The following GFRA1 variants were observed in gnomAD, a reference collection of about 807,000 sequenced individuals.
The protein encoded by GFRA1 is GDNF family receptor alpha-1.
A neutral mutation model predicts 51.6 loss-of-function variants in GFRA1; 16 were observed. The observed-to-expected ratio is 0.31, with a 90% CI of 0.21 to 0.47. The LOEUF (loss-of-function observed/expected upper bound fraction) is 0.47, where lower values mean the gene tolerates loss of function less well. GFRA1 is among the 20% of genes least tolerant of loss of function. The probability of loss-of-function intolerance (pLI) is 1.00; values close to 1 mark genes in which losing one functional copy is unlikely to be tolerated. For missense variants in GFRA1, 530 were observed against 594.3 expected (o/e 0.89, Z 1.13); for synonymous variants, 270 against 241.3 (o/e 1.12, Z -1.10).
At chr10:116,167,936 G>A (rs535310387) in intron 5 of GFRA1, among the ~76,000 whole-genome samples, 3 of 152,004 alleles carry the variant, frequency 2.0e-5, no homozygotes, top group Non-Finnish European at 4.4e-5. Flanking sequence ...TGGACTTTGG[G>A]GACTTGGTGG....
chr10:116,148,120 ATG>A (rs1276690951), intron 5 of GFRA1, among the ~76,000 whole-genome samples: 5 of 87,832 alleles, frequency 5.7e-5, no homozygotes, highest in Non-Finnish European at 1.1e-4. Flanking sequence ...GTGTGTGTGC[ATG>A]TGTGTGGGGT....
At chr10:116,171,843 C>A (rs1298244474) in intron 5 of GFRA1, among the ~76,000 whole-genome samples, 2 of 152,166 alleles carry the variant, frequency 1.3e-5, no homozygotes, top group African/African-American at 4.8e-5. Flanking sequence ...CTCCTGCTCA[C>A]AATTAAAGAG....
At chr10:116,094,676 A>G (rs1254465598) in intron 7 of GFRA1, among the ~76,000 whole-genome samples, 3 of 152,228 alleles carry the variant, frequency 2.0e-5, no homozygotes, top group Admixed American at 1.3e-4. Context: ...AGTAGTCCGC[A>G]GGGTGTATTT....
chr10:116,255,009 C>T (rs1421623178), intron 4 of GFRA1, among the ~76,000 whole-genome samples: 1 of 152,162 alleles, frequency 6.6e-6, no homozygotes, highest in African/African-American at 2.4e-5. Context: ...AAGGCAGTTG[C>T]AGTAAGTTCA....
chr10:116,180,067 A>G (rs1314393410), intron 5 of GFRA1, among the ~76,000 whole-genome samples: 2 of 152,194 alleles, frequency 1.3e-5, no homozygotes, highest in African/African-American at 4.8e-5. Flanking sequence ...TTCCTTAATA[A>G]TCATTATTCC....
chr10:116,117,593 A>ATGGATGGGTGGATGGG, intron 6 of GFRA1, among the ~76,000 whole-genome samples: 1 of 119,504 alleles, frequency 8.4e-6, no homozygotes, highest in Non-Finnish European at 2.0e-5. Flanking sequence ...GGATGGATGG[A>ATGGATGGGTGGATGGG]TGGATGGGTG....
intron 5 of GFRA1, among the ~76,000 whole-genome samples, chr10:116,143,531 G>T (rs1958663992): frequency 6.6e-6 from 1 of 152,088 alleles, no homozygotes; most frequent in East Asian, 1.9e-4. Flanking sequence ...TTTCTGAAAG[G>T]GTCACTTTGC....
At position 116,062,418 on chromosome 10, in the gene GFRA1, A is replaced by G; in HGVS notation, c.*1980T>C. ...TGGGTGTCTGCTGAATTTCCCTTGAAAACATTTTGAAGTGAAAAAAGTCAG... is the reference window on the plus strand; with the variant it reads ...TGGGTGTCTGCTGAATTTCCCTTGAGAACATTTTGAAGTGAAAAAAGTCAG... On this transcript the variant is annotated 3_prime_UTR_variant, in exon 11 of 11. Coordinates refer to ENST00000355422, the MANE Select transcript of GFRA1 (RefSeq NM_005264.8). 6.7e-6 allele frequency: 2 copies of G among 296,794 alleles called. No individual in the cohort carries two copies. Among genetic ancestry groups the G allele is most frequent in the East Asian group, 5.5e-5 (1 of 18,190 alleles). The allele number at this position is 296,794 out of a possible 1,614,324, so 18.4% of individuals were successfully genotyped here.
At chr10:116,094,504 A>G (rs1956493280) in intron 7 of GFRA1, among the ~76,000 whole-genome samples, 2 of 152,142 alleles carry the variant, frequency 1.3e-5, no homozygotes, top group Admixed American at 6.5e-5. Context: ...TCTTGTCGTG[A>G]TATTTCTGAT....
intron 4 of GFRA1, among the ~76,000 whole-genome samples, chr10:116,230,313 T>C (rs974347409): frequency 1.3e-5 from 2 of 152,216 alleles, no homozygotes; most frequent in African/African-American, 4.8e-5. Context: ...ATGAGTACTG[T>C]TATCTCATTT....
chr10:116,227,623 C>A (rs1013782507), intron 4 of GFRA1, among the ~76,000 whole-genome samples: 1 of 152,230 alleles, frequency 6.6e-6, no homozygotes, highest in African/African-American at 2.4e-5. Context: ...TTTTGTTCAG[C>A]ATCTCCAGTA....
At chr10:116,170,045 G>A (rs1960877346) in intron 5 of GFRA1, among the ~76,000 whole-genome samples, 1 of 152,164 alleles carries the variant, frequency 6.6e-6, no homozygotes, top group Non-Finnish European at 1.5e-5. Context: ...ACCATAAGGG[G>A]TTTGAGCACG....
chr10:116,093,186 T>C (rs893185931), intron 8 of GFRA1, among the ~76,000 whole-genome samples: 2 of 152,178 alleles, frequency 1.3e-5, no homozygotes, highest in Non-Finnish European at 2.9e-5. Flanking sequence ...TTGCTTCTCC[T>C]CTGAGCCAGC....
At chr10:116,161,783 C>T (rs1244448126) in intron 5 of GFRA1, among the ~76,000 whole-genome samples, 1 of 152,214 alleles carries the variant, frequency 6.6e-6, no homozygotes, top group Non-Finnish European at 1.5e-5. Flanking sequence ...CATTAAACTT[C>T]TTTCCTTTAT....
intron 5 of GFRA1, among the ~76,000 whole-genome samples, chr10:116,207,987 T>C (rs2694764): frequency 0.63 from 95,616 of 151,828 alleles, 32,022 homozygotes; most frequent in African/African-American, 0.88. Context: ...CCAGAGTGGT[T>C]ATTTTTAAAT....
At chr10:116,122,168 G>A (rs1252046947) in intron 6 of GFRA1, among the ~76,000 whole-genome samples, 1 of 152,138 alleles carries the variant, frequency 6.6e-6, no homozygotes, top group Non-Finnish European at 1.5e-5. Flanking sequence ...AAATTTCACT[G>A]GGTAGGGCCC....
In GFRA1 at chr10:116,093,746, T is replaced by C. The variant is rs185737579; in HGVS notation, c.971A>G (p.Glu324Gly). 5.0e-6 allele frequency: 8 copies of C among 1,613,860 alleles called. No homozygotes were observed. The highest frequency in any genetic ancestry group is 2.2e-5 in the South Asian group (2 of 91,070). The change falls in exon 8 of 11, where the codon GAG becomes GGG. Residue 324 changes from glutamate to glycine, a missense_variant. Transcript: ENST00000355422. ...DCSNSGNDLEECLKFLNFFKD... is the reference protein window; with the variant it reads ...DCSNSGNDLEGCLKFLNFFKD... ...GAAGAAATTCAAAAATTTCAAGCAC[T>C]CTTCTAGGTCGTTCCCACTGTTGCT...
At chr10:116,251,856 G>A (rs545054183) in intron 4 of GFRA1, among the ~76,000 whole-genome samples, 6 of 151,910 alleles carry the variant, frequency 3.9e-5, no homozygotes, top group African/African-American at 1.4e-4. Context: ...TCATGAGGCT[G>A]AGTAAGGGCA....
chr10:116,075,190 T>G (rs1349563498), intron 9 of GFRA1, among the ~76,000 whole-genome samples: 5 of 152,124 alleles, frequency 3.3e-5, no homozygotes, highest in Admixed American at 6.5e-5. Flanking sequence ...TCTCTAAGTC[T>G]TTCTCATTTT....
Sources: gnomAD v4.1 joint callset for allele counts (sites outside exome capture counted in the v4.1 genomes callset) on GRCh38, gnomAD v4.1.1 for gene constraint, MANE v1.5 for transcripts, NCBI Gene and HGNC (gene_info 2026-07-23, HGNC 2026-07-21) for gene names.